Variants in LRP1B observed in about 807,000 individuals in gnomAD.
The protein encoded by LRP1B is low-density lipoprotein receptor-related protein 1B.
In LRP1B, 217 loss-of-function variants were observed where a neutral mutation model predicts 556.6. The ratio of observed to expected loss-of-function variants is 0.39; its 90% CI spans 0.35 to 0.44. The LOEUF (loss-of-function observed/expected upper bound fraction) is 0.44. LRP1B is among the 20% of genes least tolerant of loss of function. LRP1B has a pLI of 1.00. For synonymous variants in LRP1B, 2,047 were observed against 1,865.8 expected, an observed-to-expected ratio of 1.10 and a Z score of -2.50; for missense variants, 5,053 against 5,620.8, an observed-to-expected ratio of 0.90 and a Z score of 3.23.
intron 2 of LRP1B, among the ~76,000 whole-genome samples, chr2:141,569,094 T>C (rs1165616714): frequency 6.6e-6 from 1 of 151,054 alleles, no homozygotes; most frequent in African/African-American, 2.4e-5. Context: ...ACCAAATGTA[T>C]GTAAGGCACT....
intron 1 of LRP1B, among the ~76,000 whole-genome samples, chr2:141,938,739 A>C (rs548544535): frequency 7.6e-6 from 1 of 132,062 alleles, no homozygotes; most frequent in South Asian, 2.8e-4. Flanking sequence ...ATATATCACT[A>C]ATCTCTCTCT....
chr2:140,328,485 AAAG>A (rs199896950), intron 79 of LRP1B, among the ~76,000 whole-genome samples: 2,825 of 150,520 alleles, frequency 0.019, 36 homozygotes, highest in Non-Finnish European at 0.023. Flanking sequence ...AGAAAAAAAA[AAAG>A]AAAATGAAGA....
intron 22 of LRP1B, among the ~76,000 whole-genome samples, chr2:140,907,527 G>A (rs769978149): frequency 1.3e-5 from 2 of 152,204 alleles, no homozygotes; most frequent in East Asian, 3.9e-4. Flanking sequence ...AGTTCCATCC[G>A]TAGATGAGGA....
chr2:141,476,077 C>T (rs1374666714), intron 3 of LRP1B, among the ~76,000 whole-genome samples: 3 of 152,124 alleles, frequency 2.0e-5, no homozygotes, highest in African/African-American at 7.2e-5. Context: ...GTAAATGCTA[C>T]CTTGGGGCCA....
At chr2:140,353,162 A>T (rs555903212) in intron 75 of LRP1B, 90 bp from the exon 76 acceptor site, 3 of 1,312,946 alleles carry the variant, frequency 2.3e-6, no homozygotes, top group Middle Eastern at 1.9e-4. Context: ...AATTATTTTT[A>T]ACTTATTACT....
rs375480481 is a variant in LRP1B, at chr2:140,666,810, TG to T, written c.6799+33439del. Among the ~76,000 whole-genome samples the T allele has an allele frequency of 2.6e-4, 39 of 152,346 alleles. No homozygotes were observed. The East Asian group carries it at 6.2e-3, about 24-fold the overall frequency. On this transcript the variant is annotated intron_variant, in intron 41 of 90. Transcript: ENST00000389484. ...CTTGAAAAGAAAGTTGGTTTTGAGA[TG>T]CATACGGGAAAACACCAGAAAGAAA...
At chr2:140,391,259 A>C (rs1385844111) in intron 66 of LRP1B, among the ~76,000 whole-genome samples, 1 of 152,156 alleles carries the variant, frequency 6.6e-6, no homozygotes, top group African/African-American at 2.4e-5. Flanking sequence ...ATTTGACAGC[A>C]TTATGCAAAT....
In LRP1B at chr2:141,443,431, T is replaced by A. The variant is rs145041418; in HGVS notation, c.343+36965A>T. Among the ~76,000 whole-genome samples, 661 of 152,328 alleles carry A rather than the reference T, an allele frequency of 4.3e-3. 11 individuals are homozygous for A. The highest frequency in any genetic ancestry group is 6.3e-3 in the Non-Finnish European group (431 of 68,024). On this transcript the variant is annotated intron_variant, in intron 3 of 90. Coordinates refer to ENST00000389484, the MANE Select transcript of LRP1B (RefSeq NM_018557.3). ...TTTTGCTGTGCAGGAGCTCTTTAGTTGAATTAGATCTGATTTGTCAATTTT... is the reference window on the plus strand; with the variant it reads ...TTTTGCTGTGCAGGAGCTCTTTAGTAGAATTAGATCTGATTTGTCAATTTT...
At chr2:141,047,202 AG>A (rs1698900435) in intron 11 of LRP1B, among the ~76,000 whole-genome samples, 1 of 152,114 alleles carries the variant, frequency 6.6e-6, no homozygotes. Flanking sequence ...TATCACATTA[AG>A]AGAAAAGTAG....
At chr2:141,110,778 G>A (rs1700731468) in intron 7 of LRP1B, among the ~76,000 whole-genome samples, 1 of 152,058 alleles carries the variant, frequency 6.6e-6, no homozygotes, top group African/African-American at 2.4e-5. Flanking sequence ...GGGATTTATA[G>A]CAGAACATTC....
At chr2:141,315,063 A>G (rs1686970093) in intron 3 of LRP1B, among the ~76,000 whole-genome samples, 1 of 150,514 alleles carries the variant, frequency 6.6e-6, no homozygotes, top group South Asian at 2.1e-4. Context: ...CCAAACAGGT[A>G]GGGACTATTA....
chr2:141,618,070 T>C (rs1000969540), intron 2 of LRP1B, among the ~76,000 whole-genome samples: 4 of 152,186 alleles, frequency 2.6e-5, no homozygotes, highest in African/African-American at 7.2e-5. Flanking sequence ...GTGTTTGCTA[T>C]ATGTGAGTCA....
intron 41 of LRP1B, among the ~76,000 whole-genome samples, chr2:140,698,707 G>T (rs190612927): frequency 5.9e-5 from 9 of 152,008 alleles, no homozygotes; most frequent in Non-Finnish European, 1.2e-4. Context: ...ACACCAACAC[G>T]TGACAAGTGG....
chr2:140,734,202 G>A (rs9287299), intron 35 of LRP1B, among the ~76,000 whole-genome samples: 69,942 of 151,958 alleles, frequency 0.46, 17,434 homozygotes, highest in Non-Finnish European at 0.57. Flanking sequence ...CTAGGAAAAC[G>A]AAATTCAGAA....
At chr2:141,513,699 A>G (rs77732624) in intron 2 of LRP1B, among the ~76,000 whole-genome samples, 8,538 of 150,776 alleles carry the variant, frequency 0.057, 280 homozygotes, top group Non-Finnish European at 0.067. Context: ...TTTGTTTTTT[A>G]AAGGACAAAC....
rs772411549 is a variant in LRP1B at position 140,541,070 on chromosome 2, A to G, written c.7416T>C (p.Asn2472=). ...AAAGGCACAAGTCATGGCAGCCTCCATTCAATAATGCACATGGAGAAAGTT... is the reference window on the plus strand; with the variant it reads ...AAAGGCACAAGTCATGGCAGCCTCCGTTCAATAATGCACATGGAGAAAGTT... ...SCELSPCALL[N]GGCHDLCLLT... Residue 2472 remains asparagine (N), a synonymous_variant, in exon 45 of 91, where the codon AAT becomes AAC. Transcript: ENST00000389484. The G allele has an allele frequency of 1.2e-6, 2 of 1,610,842 alleles. No homozygotes were observed. Among genetic ancestry groups the G allele is most frequent in the South Asian group, 1.1e-5 (1 of 90,936 alleles).
chr2:141,232,482 C>T lies in LRP1B; in HGVS notation c.593-3042G>A, dbSNP rs1683507459. ...ACTAGTCAGTAAACTTAATGTAGGG[C>T]ATAAACATTCTTTGAAGAGAGGCCG... On this transcript the variant is annotated intron_variant, in intron 5 of 90. Coordinates refer to ENST00000389484, the MANE Select transcript of LRP1B (RefSeq NM_018557.3). 3.3e-5 allele frequency among the ~76,000 whole-genome samples: 5 copies of T among 152,246 alleles called. No individual in the cohort carries two copies. In the South Asian group the frequency reaches 1.0e-3, roughly 32 times the overall value.
At chr2:140,541,468 A>G (rs1198375349) in intron 44 of LRP1B, among the ~76,000 whole-genome samples, 1 of 152,112 alleles carries the variant, frequency 6.6e-6, no homozygotes, top group Non-Finnish European at 1.5e-5. Context: ...TGAAAATCTG[A>G]AGTTATGAAG....
At chr2:140,408,647 T>C (rs1398120040) in intron 66 of LRP1B, among the ~76,000 whole-genome samples, 3 of 151,948 alleles carry the variant, frequency 2.0e-5, no homozygotes, top group African/African-American at 7.2e-5. Flanking sequence ...GACTGAGGGA[T>C]TGAGTTACAC....
Sources: gnomAD v4.1 joint callset for allele counts (sites outside exome capture counted in the v4.1 genomes callset) on GRCh38, gnomAD v4.1.1 for gene constraint, MANE v1.5 for transcripts, NCBI Gene and HGNC (gene_info 2026-07-23, HGNC 2026-07-21) for gene names.